The following UBR1 variants were observed in gnomAD, a reference collection of about 807,000 sequenced individuals.
UBR1 encodes ubiquitin protein ligase E3 component n-recognin 1, also known as E3 ubiquitin-protein ligase UBR1.
In UBR1, 102 loss-of-function variants were observed where a neutral mutation model predicts 242.1. The observed-to-expected ratio is 0.42, with a 90% CI of 0.36 to 0.50. UBR1 has a LOEUF of 0.50. UBR1 is among the 20% of genes least tolerant of loss of function. UBR1 has a pLI of 0.01. For synonymous variants in UBR1, 675 were observed against 684.8 expected, an observed-to-expected ratio of 0.99 and a Z score of 0.22; for missense variants, 1,772 against 2,101.8, an observed-to-expected ratio of 0.84 and a Z score of 3.07.
In UBR1 at chr15:43,047,253, T is replaced by G; in HGVS notation, c.1576A>C (p.Ile526Leu). 1 of 1,614,218 alleles carries G rather than the reference T, an allele frequency of 6.2e-7. No individual in the cohort carries two copies. The highest frequency in any genetic ancestry group is 8.5e-7 in the Non-Finnish European group (1 of 1,180,034). The change falls in exon 14 of 47, where the codon ATT (isoleucine) becomes CTT (leucine). Residue 526 changes from isoleucine to leucine, a missense_variant. By Grantham distance (5) the Ile-to-Leu change is conservative. Around this residue, in one of 3 missense-constraint regions of UBR1, gnomAD observed 734 missense variants for 893.3 expected, o/e 0.82. Transcript: ENST00000290650. ...EEIRRQVGQH[I>L]EVDPDWEAAI... The stretch of plus-strand genomic sequence containing the variant: ...GCCTCCCAATCAGGATCCACTTCAA[T>G]GTGTTGCCCAACCTGTCTTCGGATT...
chr15:43,034,506 G>A (rs571994975), intron 19 of UBR1, among the ~76,000 whole-genome samples: 1 of 152,042 alleles, frequency 6.6e-6, no homozygotes, highest in Admixed American at 6.6e-5. Flanking sequence ...AGATAAAAAA[G>A]ACCAATGTCT....
intron 13 of UBR1, among the ~76,000 whole-genome samples, chr15:43,048,158 G>A (rs974103886): frequency 6.6e-6 from 1 of 151,080 alleles, no homozygotes; most frequent in East Asian, 1.9e-4. Context: ...TTGCACTCCA[G>A]CCTGGCAACA....
chr15:43,004,807 T>C (rs2032781932), intron 30 of UBR1, among the ~76,000 whole-genome samples: 1 of 152,116 alleles, frequency 6.6e-6, no homozygotes, highest in East Asian at 1.9e-4. Context: ...CCACCCCGTC[T>C]GGGAAGTGAG....
At chr15:42,950,493 CA>C in intron 45 of UBR1, 130 bp from the exon 46 acceptor site, 1 of 737,634 alleles carries the variant, frequency 1.4e-6, no homozygotes, top group South Asian at 1.6e-5. Flanking sequence ...ACAATATAAA[CA>C]GACAAATAGA....
chr15:43,041,421 C>T (rs2033416056), intron 15 of UBR1, among the ~76,000 whole-genome samples: 1 of 151,966 alleles, frequency 6.6e-6, no homozygotes, highest in South Asian at 2.1e-4. Context: ...AGAAGGGGAA[C>T]ATCACACACC....
chr15:42,943,390 G>A lies in UBR1; in HGVS notation c.*1939C>T, dbSNP rs2031682465. The A allele has an allele frequency of 6.6e-6, 1 of 152,548 alleles. No homozygotes were observed. The highest frequency in any genetic ancestry group is 2.4e-5 in the African/African-American group (1 of 41,418). 9.4% of individuals were successfully genotyped at this position (152,548 alleles called of 1,614,324 possible). On this transcript the variant is annotated 3_prime_UTR_variant, in exon 47 of 47. Coordinates refer to ENST00000290650, the MANE Select transcript of UBR1 (RefSeq NM_174916.3). ...TCACTAGGACATTTGAACATAATGAGAAATCCCTGGGGCTTGGGGCAGCAC... is the reference window on the plus strand; with the variant it reads ...TCACTAGGACATTTGAACATAATGAAAAATCCCTGGGGCTTGGGGCAGCAC...
chr15:43,031,440 A>G (rs1242401777), intron 20 of UBR1, among the ~76,000 whole-genome samples: 1 of 152,196 alleles, frequency 6.6e-6, no homozygotes, highest in Non-Finnish European at 1.5e-5. Context: ...TATATAATCA[A>G]TTTTAAAATC....
chr15:42,948,332 A>G (rs866258812), intron 46 of UBR1, among the ~76,000 whole-genome samples: 2 of 152,024 alleles, frequency 1.3e-5, no homozygotes, highest in Non-Finnish European at 2.9e-5. Flanking sequence ...AAAACCCTAG[A>G]AGAAAACCTA....
intron 40 of UBR1, among the ~76,000 whole-genome samples, chr15:42,967,425 TTTG>T (rs1286880218): frequency 6.6e-6 from 1 of 151,354 alleles, no homozygotes; most frequent in Non-Finnish European, 1.5e-5. Context: ...TTTTTTTTTT[TTTG>T]TTTAGATTAA....
chr15:43,014,426 T>A (rs1207829817), intron 29 of UBR1, among the ~76,000 whole-genome samples: 1 of 150,896 alleles, frequency 6.6e-6, no homozygotes. Context: ...CCATCCCATC[T>A]AGGAAGTGAG....
Position 43,036,605 on chromosome 15 carries a change from T to C in UBR1, c.2023-12A>G, listed in dbSNP as rs1160690981. 7.4e-6 allele frequency: 11 copies of C among 1,490,414 alleles called. No individual in the cohort carries two copies. Among genetic ancestry groups the C allele is most frequent in the Admixed American group, 1.7e-5 (1 of 58,694 alleles). 92.3% of individuals were successfully genotyped at this position (1,490,414 alleles called of 1,614,324 possible). A position where few individuals can be genotyped will look rare whatever the true frequency, so the allele number is the denominator to read the frequency against. On this transcript the variant is annotated splice_polypyrimidine_tract_variant and intron_variant, in intron 17 of 46. Transcript: ENST00000290650. The stretch of plus-strand genomic sequence containing the variant: ...TGGTAATAAAACACCTATAAGGTAA[T>C]AGGTAGAATAAATCCTAAAAGAATT...
intron 10 of UBR1, among the ~76,000 whole-genome samples, chr15:43,057,873 A>C (rs2033637072): frequency 6.6e-6 from 1 of 152,024 alleles, no homozygotes; most frequent in African/African-American, 2.4e-5. Flanking sequence ...CTAGCAAATA[A>C]CATTTGTGAA....
intron 14 of UBR1, 46 bp downstream of exon 14, chr15:43,047,115 C>G: frequency 1.2e-6 from 2 of 1,609,550 alleles, no homozygotes; most frequent in Non-Finnish European, 1.7e-6. Flanking sequence ...TTAATAATTA[C>G]TAAGAACTTA....
intron 39 of UBR1, among the ~76,000 whole-genome samples, chr15:42,973,352 G>C (rs2032237093): frequency 1.3e-5 from 2 of 152,190 alleles, no homozygotes; most frequent in African/African-American, 4.8e-5. Context: ...ATGGAGTGCA[G>C]TGGCATGCTA....
intron 1 of UBR1, among the ~76,000 whole-genome samples, chr15:43,091,703 G>A (rs1204175174): frequency 6.6e-6 from 1 of 151,810 alleles, no homozygotes; most frequent in East Asian, 1.9e-4. Context: ...AGGCCGAGGT[G>A]GGTGGATCAC....
At chr15:43,030,960 C>T (rs188889725) in intron 20 of UBR1, among the ~76,000 whole-genome samples, 1 of 152,238 alleles carries the variant, frequency 6.6e-6, no homozygotes, top group African/African-American at 2.4e-5. Context: ...TAACTTTTCA[C>T]CAAAAACAGT....
chr15:42,964,874 A>G (rs1053810922), intron 41 of UBR1, among the ~76,000 whole-genome samples: 2 of 152,180 alleles, frequency 1.3e-5, no homozygotes, highest in Admixed American at 6.5e-5. Flanking sequence ...ATTCTATGAA[A>G]ACTATCTCAG....
intron 20 of UBR1, among the ~76,000 whole-genome samples, chr15:43,032,126 G>A (rs552170638): frequency 6.6e-6 from 1 of 152,250 alleles, no homozygotes; most frequent in South Asian, 2.1e-4. Flanking sequence ...GCATATATTT[G>A]TATTCAATAG....
intron 30 of UBR1, among the ~76,000 whole-genome samples, chr15:43,005,030 A>C (rs1393205632): frequency 2.3e-5 from 3 of 130,018 alleles, no homozygotes; most frequent in African/African-American, 3.0e-5. Flanking sequence ...CCCAGCCGCG[A>C]CCCCGTCTGG....
Sources: gnomAD v4.1 joint callset for allele counts (sites outside exome capture counted in the v4.1 genomes callset) on GRCh38, gnomAD v4.1.1 for gene constraint, gnomAD v4.1.1 regional missense constraint, MANE v1.5 for transcripts, NCBI Gene and HGNC (gene_info 2026-07-23, HGNC 2026-07-21) for gene names.